The following FHAD1 variants were observed in gnomAD, a reference collection of about 807,000 sequenced individuals.
FHAD1 encodes the protein forkhead associated phosphopeptide binding domain 1, also known as forkhead-associated domain-containing protein 1.
In FHAD1, 146 loss-of-function variants were observed where a neutral mutation model predicts 191.3. That is an observed-to-expected ratio of 0.76 (90% CI 0.67 to 0.88). FHAD1 has a LOEUF of 0.88. Ranked by LOEUF, FHAD1 falls within the 40% of genes least tolerant of loss-of-function variation. The probability of loss-of-function intolerance (pLI) is 0.00; values close to 1 mark genes in which losing one functional copy is unlikely to be tolerated. For synonymous variants in FHAD1, 616 were observed against 672.3 expected, an observed-to-expected ratio of 0.92 and a Z score of 1.29; for missense variants, 1,635 against 1,785.8, an observed-to-expected ratio of 0.92 and a Z score of 1.52.
Position 15,289,592 on chromosome 1 carries a change from G to A in FHAD1, c.494G>A (p.Arg165Gln), listed in dbSNP as rs781623345. The change falls in exon 4 of 34, where the codon CGG becomes CAG. Residue 165 changes from arginine to glutamine, a missense_variant. By Grantham distance (43) the Arg-to-Gln change is conservative. Transcript: ENST00000688493. This position sits in a 1 kb window ranked among gnomAD's most constrained non-coding sequence, Gnocchi z 4.2. ...GTGGTCCTGCCGGCCTCCCACAGGC[G>A]GCCTGTGAGCGCCAACAAGGAGATG... ...PTVVLPASHR[R>Q]PVSANKEMFS... 262 of 1,551,602 alleles carry A rather than the reference G, an allele frequency of 1.7e-4. No individual in the cohort carries two copies. The highest frequency in any genetic ancestry group is 2.2e-4 in the Non-Finnish European group (254 of 1,146,996).
chr1:15,383,723 G>A (rs1157361197), intron 31 of FHAD1: 2 of 306,720 alleles, frequency 6.5e-6, no homozygotes, highest in African/African-American at 4.3e-5. Context: ...GCCAGGGACT[G>A]GGCTCACCTG....
chr1:15,244,793 T>TA (rs113703970), upstream of FHAD1, among the ~76,000 whole-genome samples: 45,833 of 152,040 alleles, frequency 0.3, 8,273 homozygotes, highest in African/African-American at 0.51. This position sits in a 1 kb window ranked among gnomAD's most constrained non-coding sequence, Gnocchi z 5.1. Context: ...CATAAATAAA[T>TA]AAAGAAATAG....
intron 28 of FHAD1, among the ~76,000 whole-genome samples, chr1:15,379,119 A>G (rs1700308546): frequency 6.6e-6 from 1 of 152,200 alleles, no homozygotes; most frequent in Non-Finnish European, 1.5e-5. Flanking sequence ...AGAGAAAGAA[A>G]TAAGGGGGCC....
intron 24 of FHAD1, among the ~76,000 whole-genome samples, chr1:15,366,968 T>C (rs1377910704): frequency 6.6e-6 from 1 of 152,200 alleles, no homozygotes; most frequent in Non-Finnish European, 1.5e-5. Flanking sequence ...AATGCTCTTA[T>C]CTTGTCCCCA....
At chr1:15,343,274 G>A (rs1490312768) in intron 16 of FHAD1, among the ~76,000 whole-genome samples, 2 of 151,940 alleles carry the variant, frequency 1.3e-5, no homozygotes, top group East Asian at 1.9e-4. Context: ...AAGCACTCCC[G>A]GGTGGTCGCA....
intron 3 of FHAD1, 54 bp downstream of exon 3, chr1:15,272,583 G>C (rs1190721203): frequency 2.7e-6 from 4 of 1,475,988 alleles, no homozygotes; most frequent in Non-Finnish European, 3.7e-6. Flanking sequence ...GTGCAGCCCG[G>C]CGCTCGGATG....
intron 10 of FHAD1, among the ~76,000 whole-genome samples, chr1:15,322,865 C>T (rs1676780193): frequency 6.6e-6 from 1 of 152,188 alleles, no homozygotes; most frequent in Non-Finnish European, 1.5e-5. Context: ...CTGTTAAAGA[C>T]ACACCCGAAA....
At chr1:15,363,459 A>T (rs1185747699) in intron 23 of FHAD1, among the ~76,000 whole-genome samples, 1 of 152,200 alleles carries the variant, frequency 6.6e-6, no homozygotes, top group East Asian at 1.9e-4. Flanking sequence ...CAGCTGTGTG[A>T]CCCTGGGCAA....
Position 15,318,369 on chromosome 1 carries a change from C to A in FHAD1, c.1365+441C>A, listed in dbSNP as rs1675169426. ...TACATTTAAATTAAAGCCGGTAGCTCACGCCTGTAATCCCAGCATTTTGGG... is the reference window on the plus strand; with the variant it reads ...TACATTTAAATTAAAGCCGGTAGCTAACGCCTGTAATCCCAGCATTTTGGG... On this transcript the variant is annotated intron_variant, in intron 10 of 33. Coordinates refer to ENST00000688493, the MANE Select transcript of FHAD1 (RefSeq NM_001391957.1). This position sits in a 1 kb window ranked among gnomAD's most constrained non-coding sequence, Gnocchi z 4.1. 6.6e-6 allele frequency among the ~76,000 whole-genome samples: 1 copy of A among 152,248 alleles called. No individual in the cohort carries two copies. Among genetic ancestry groups the A allele is most frequent in the Admixed American group, 6.5e-5 (1 of 15,286 alleles).
At chr1:15,259,000 C>T (rs1649708850) in intron 2 of FHAD1, among the ~76,000 whole-genome samples, 1 of 152,142 alleles carries the variant, frequency 6.6e-6, no homozygotes, top group Admixed American at 6.5e-5. Context: ...ATACTGTTTT[C>T]CACAGTGGCT....
At position 15,323,840 on chromosome 1, in the gene FHAD1, T is replaced by C. The variant is rs147387160; in HGVS notation, c.1366-612T>C. ...CCTTCTTTTGCAGGCTACAATTCTT[T>C]ACTAGCCATTGCTTAGCTCCCAGAG... On this transcript the variant is annotated intron_variant, in intron 10 of 33. Coordinates refer to ENST00000688493, the MANE Select transcript of FHAD1 (RefSeq NM_001391957.1). Among the ~76,000 whole-genome samples, 427 of 152,300 alleles carry C rather than the reference T, an allele frequency of 2.8e-3. 5 individuals are homozygous for C. In the East Asian group the frequency reaches 0.028, roughly 10 times the overall value.
At chr1:15,290,491 G>A (rs924800677) in intron 4 of FHAD1, among the ~76,000 whole-genome samples, 2 of 151,934 alleles carry the variant, frequency 1.3e-5, no homozygotes, top group South Asian at 2.1e-4. Context: ...ATCTTTTTCC[G>A]GTCTTGCTCA....
intron 11 of FHAD1, 124 bp from the exon 12 acceptor site, chr1:15,326,935 G>C (rs553519473): frequency 6.4e-6 from 4 of 626,002 alleles, no homozygotes; most frequent in Non-Finnish European, 8.8e-6. Flanking sequence ...CTGATAACGC[G>C]GAATGGTCAT....
intron 1 of FHAD1, among the ~76,000 whole-genome samples, chr1:15,247,800 C>A (rs1434486798): frequency 6.6e-6 from 1 of 152,186 alleles, no homozygotes; most frequent in African/African-American, 2.4e-5. Flanking sequence ...GGCTCCCAGG[C>A]CACTTAAGAT....
intron 2 of FHAD1, among the ~76,000 whole-genome samples, chr1:15,271,930 G>T (rs1055289593): frequency 1.3e-5 from 2 of 151,984 alleles, no homozygotes; most frequent in African/African-American, 4.8e-5. Flanking sequence ...CCAATTCCTT[G>T]ACGATTTTCG....
At chr1:15,393,113 T>C (rs1704668002) in intron 33 of FHAD1, 1 of 149,662 alleles carries the variant, frequency 6.7e-6, no homozygotes, top group African/African-American at 2.5e-5. Context: ...CTTGCTCTAT[T>C]GCCCAGGCTA....
chr1:15,330,674 G>C (rs1680894206), intron 14 of FHAD1, among the ~76,000 whole-genome samples: 1 of 152,180 alleles, frequency 6.6e-6, no homozygotes, highest in Non-Finnish European at 1.5e-5. Context: ...AAAGAAAGGG[G>C]AGAGAGCATT....
At position 15,329,515 on chromosome 1, in the gene FHAD1, G is replaced by A; in HGVS notation, c.1880G>A (p.Gly627Glu). ...GTGGAGCAGCTCCTCCGGGACCTCG[G>A]GATCCTGCCCTCCAGCCCCAACAAA... ...EEVEQLLRDL[G>E]ILPSSPNKGF... Residue 627 changes from glycine (G) to glutamate (E), a missense_variant, in exon 14 of 34, where the codon GGG becomes GAG. By Grantham distance (98) the Gly-to-Glu change is moderately conservative. Coordinates refer to ENST00000688493, the MANE Select transcript of FHAD1 (RefSeq NM_001391957.1). This position sits in a 1 kb window ranked among gnomAD's most constrained non-coding sequence, Gnocchi z 5.0. 1.3e-6 allele frequency: 2 copies of A among 1,550,942 alleles called. No homozygotes were observed. The highest frequency in any genetic ancestry group is 1.4e-5 in the African/African-American group (1 of 73,144).
At chr1:15,354,388 G>A (rs1463799068) in intron 20 of FHAD1, among the ~76,000 whole-genome samples, 3 of 152,188 alleles carry the variant, frequency 2.0e-5, no homozygotes, top group Admixed American at 6.5e-5. Flanking sequence ...TTTAAGAGGG[G>A]CCTTGAGTAA....
Sources: allele counts gnomAD v4.1 joint callset (sites outside exome capture counted in the v4.1 genomes callset), GRCh38; gene constraint gnomAD v4.1.1; non-coding constraint Gnocchi (gnomAD v3.1); transcripts MANE v1.5; gene names NCBI Gene and HGNC (gene_info 2026-07-23, HGNC 2026-07-21).